Variants in ZDHHC8 observed in about 807,000 individuals in gnomAD.
ZDHHC8 encodes zDHHC palmitoyltransferase 8.
ZDHHC8 carries 24 observed loss-of-function variants against 61.2 expected under a neutral mutation model. That is an observed-to-expected ratio of 0.39 (90% CI 0.28 to 0.55). The LOEUF is 0.55. Ranked by LOEUF, ZDHHC8 falls within the 20% of genes least tolerant of loss-of-function variation. The pLI is 0.60. For missense variants in ZDHHC8, 935 were observed against 1,102.1 expected (o/e 0.85, Z 2.15); for synonymous variants, 523 against 492.5 (o/e 1.06, Z -0.82).
chr22:20,132,327 G>T (rs998027415), intron 1 of ZDHHC8, among the ~76,000 whole-genome samples: 1 of 152,224 alleles, frequency 6.6e-6, no homozygotes, highest in Admixed American at 6.5e-5. Context: ...GGCGGGGAGC[G>T]CTGGGCCCTG....
chr22:20,144,437 G>T (rs575854603), intron 10 of ZDHHC8, among the ~76,000 whole-genome samples: 2 of 152,328 alleles, frequency 1.3e-5, no homozygotes, highest in African/African-American at 4.8e-5. Context: ...CGCCACAGAC[G>T]CATGGTGTCC....
At chr22:20,145,139 G>A (rs1486457153) in intron 10 of ZDHHC8, 90 bp from the exon 11 acceptor site, 8 of 1,220,694 alleles carry the variant, frequency 6.6e-6, no homozygotes, top group Admixed American at 5.9e-5. Context: ...CCACGTCCGC[G>A]TCGTCTCTGT....
chr22:20,140,270 T>A, intron 5 of ZDHHC8, 53 bp downstream of exon 5: 1 of 1,539,616 alleles, frequency 6.5e-7, no homozygotes, highest in South Asian at 1.2e-5. Flanking sequence ...GAGTTGGGGC[T>A]GCATGGGGAC....
rs149915669 is a variant in ZDHHC8, at chr22:20,145,711, G to A, written c.*311G>A. 1,758 of 1,033,932 alleles carry A rather than the reference G, an allele frequency of 1.7e-3. 7 individuals carry two copies. Among genetic ancestry groups the A allele is most frequent in the Non-Finnish European group, 1.7e-3 (1,474 of 861,494 alleles). 64.0% of individuals were successfully genotyped at this position (1,033,932 alleles called of 1,614,324 possible). ...TCTTTGGGGCACCCTCTCTCAGCCA[G>A]GCTTGGCCCACTGCCATCACCCAGC... On this transcript the variant is annotated 3_prime_UTR_variant, in exon 11 of 11. Transcript: ENST00000334554.
At chr22:20,144,088 G>T (rs950605129) in intron 10 of ZDHHC8, among the ~76,000 whole-genome samples, 1 of 152,174 alleles carries the variant, frequency 6.6e-6, no homozygotes, top group African/African-American at 2.4e-5. Flanking sequence ...GGCAGCCTGG[G>T]CCTCCTTTAG....
Position 20,141,325 on chromosome 22 carries a change from C to A in ZDHHC8, c.1003C>A (p.Pro335Thr). Residue 335 changes from proline to threonine, a missense_variant, in exon 8 of 11, where the codon CCA (proline) becomes ACA (threonine). By Grantham distance (38) the Pro-to-Thr change is conservative. This residue lies in a region of ZDHHC8 where 692 missense variants were observed against 731.4 expected (regional missense o/e 0.95). Coordinates refer to ENST00000334554, the MANE Select transcript of ZDHHC8 (RefSeq NM_013373.4). ...TFSSDLQTPR[P>T]GSAESALSVQ... is the part of the protein sequence containing the mutation. Reference sequence around the variant, plus strand: ...CAGCAGTGACCTGCAGACCCCGCGCCCAGGCAGTGCTGGTGAGGTTGGGGC... The same window carrying A: ...CAGCAGTGACCTGCAGACCCCGCGCACAGGCAGTGCTGGTGAGGTTGGGGC... 1 of 1,612,510 alleles carries A rather than the reference C, an allele frequency of 6.2e-7. No individual in the cohort carries two copies. The highest frequency in any genetic ancestry group is 8.5e-7 in the Non-Finnish European group (1 of 1,179,702).
intron 5 of ZDHHC8, 54 bp from the exon 6 acceptor site, chr22:20,140,563 C>T: frequency 6.7e-7 from 1 of 1,499,644 alleles, no homozygotes. Flanking sequence ...GCCCCCTGCC[C>T]ACCCTGGCCT....
Position 20,140,361 on chromosome 22 carries a change from G to A in ZDHHC8, c.660+144G>A, listed in dbSNP as rs79589278. On this transcript the variant is annotated intron_variant, in intron 5 of 10. Coordinates refer to ENST00000334554, the MANE Select transcript of ZDHHC8 (RefSeq NM_013373.4). Reference sequence around the variant, plus strand: ...GAGGCTCCAACTCTGAGACCCCCACGTGGGGCTACGCCTGCCCCGTCCCCT... The same window carrying A: ...GAGGCTCCAACTCTGAGACCCCCACATGGGGCTACGCCTGCCCCGTCCCCT... The A allele has an allele frequency of 6.7e-4, 603 of 895,478 alleles. 3 individuals carry two copies. In the African/African-American group the frequency reaches 9.2e-3, roughly 14 times the overall value. 55.5% of individuals were successfully genotyped at this position (895,478 alleles called of 1,614,324 possible).
At position 20,143,150 on chromosome 22, in the gene ZDHHC8, C is replaced by G. The variant is rs1317899880; in HGVS notation, c.1520C>G (p.Pro507Arg). The G allele has an allele frequency of 2.5e-6, 4 of 1,611,722 alleles. No individual in the cohort carries two copies. In the Admixed American group the frequency reaches 6.7e-5, roughly 27 times the overall value. The change falls in exon 10 of 11, where the codon CCC (proline) becomes CGC (arginine). Residue 507 changes from proline (P) to arginine (R), a missense_variant. Pro to Arg is a moderately radical substitution (Grantham distance 103, BLOSUM62 -2). Coordinates refer to ENST00000334554, the MANE Select transcript of ZDHHC8 (RefSeq NM_013373.4). Reference protein sequence around the residue: ...PAVGVAGYHSPYLHPGATGDP... With the variant: ...PAVGVAGYHSRYLHPGATGDP... The stretch of plus-strand genomic sequence containing the variant: ...GTTGGCGTGGCCGGATACCACTCAC[C>G]CTACCTGCATCCTGGGGCAACGGGC...
At position 20,143,757 on chromosome 22, in the gene ZDHHC8, G is replaced by A; in HGVS notation, c.2126+1G>A. ...CACCGCCCTCGCTGACCGTGCAGAG[G>A]TGGGTGCCGGGAGGTGCGGGTGGGC... On this transcript the variant is annotated splice_donor_variant, in intron 10 of 10. Coordinates refer to ENST00000334554, the MANE Select transcript of ZDHHC8 (RefSeq NM_013373.4). LOFTEE classifies it high-confidence loss of function. 1 of 1,604,750 alleles carries A rather than the reference G, an allele frequency of 6.2e-7. No individual in the cohort carries two copies. Among genetic ancestry groups the A allele is most frequent in the East Asian group, 2.2e-5 (1 of 44,794 alleles).
chr22:20,134,305 C>T (rs1029514741), intron 1 of ZDHHC8, among the ~76,000 whole-genome samples: 10 of 152,256 alleles, frequency 6.6e-5, no homozygotes, highest in Non-Finnish European at 1.2e-4. Context: ...GTGATCCTGG[C>T]CTCTTCCCCG....
At chr22:20,144,006 G>A (rs754527241) in intron 10 of ZDHHC8, among the ~76,000 whole-genome samples, 17 of 152,176 alleles carry the variant, frequency 1.1e-4, no homozygotes, top group Non-Finnish European at 2.1e-4. Flanking sequence ...CCGACGACTC[G>A]TTCTTCTAGA....
intron 1 of ZDHHC8, among the ~76,000 whole-genome samples, chr22:20,137,139 G>A (rs1568991707): frequency 6.6e-6 from 1 of 152,238 alleles, no homozygotes; most frequent in Non-Finnish European, 1.5e-5. Context: ...GCCCTCACAG[G>A]CATGTGGCAG....
In ZDHHC8 at chr22:20,145,364, C is replaced by T. The variant is rs756233495; in HGVS notation, c.2262C>T (p.Ser754=). The T allele has an allele frequency of 2.1e-5, 33 of 1,573,860 alleles. No individual in the cohort carries two copies. Among genetic ancestry groups the T allele is most frequent in the African/African-American group, 4.1e-5 (3 of 72,584 alleles). Residue 754 remains serine, a synonymous_variant, in exon 11 of 11, where the codon TCC becomes TCT. Coordinates refer to ENST00000334554, the MANE Select transcript of ZDHHC8 (RefSeq NM_013373.4). ...PTRHTLVKKV[S]GVGGTTYEIS... ...GGCACACGCTGGTTAAGAAGGTGTC[C>T]GGCGTGGGTGGGACCACCTACGAGA...
In ZDHHC8 at chr22:20,143,192, T is replaced by C. The variant is rs778712639; in HGVS notation, c.1562T>C (p.Leu521Pro). ...GCAACGGGCGACCCGCCACGGCCCC[T>C]ACCCCGCAGCTTCAGCCCCGTGCTG... is the stretch of plus-strand genomic sequence containing the variant. ...PGATGDPPRP[L>P]PRSFSPVLGP... The change falls in exon 10 of 11, where the codon CTA becomes CCA. Residue 521 changes from leucine (L) to proline (P), a missense_variant. Transcript: ENST00000334554. The C allele has an allele frequency of 3.1e-6, 5 of 1,609,610 alleles. No homozygotes were observed. The South Asian group carries it at 5.5e-5, about 18-fold the overall frequency.
At chr22:20,144,451 C>T (rs1205234337) in intron 10 of ZDHHC8, among the ~76,000 whole-genome samples, 6 of 152,220 alleles carry the variant, frequency 3.9e-5, no homozygotes, top group East Asian at 3.9e-4. Flanking sequence ...GGTGTCCTCA[C>T]GGCATCTGTC....
rs1389368428 is a variant in ZDHHC8, at chr22:20,140,955, A to G, written c.837A>G (p.Ala279=). 4 of 1,610,512 alleles carry G rather than the reference A, an allele frequency of 2.5e-6. No individual in the cohort carries two copies. The African/African-American group carries it at 4.0e-5, about 16-fold the overall frequency. The part of the protein sequence containing the change: ...FLRPELLDRA[A]PLKVKLSDNG... ...GGCCTGAACTCCTGGACCGAGCTGC[A>G]CCGCTCAAGGTCAAGCTTAGTGACA... The change falls in exon 7 of 11, where the codon GCA becomes GCG. Residue 279 remains alanine (A), a synonymous_variant. Coordinates refer to ENST00000334554, the MANE Select transcript of ZDHHC8 (RefSeq NM_013373.4).
chr22:20,139,089 T>C, intron 1 of ZDHHC8, 105 bp from the exon 2 acceptor site: 1 of 1,495,738 alleles, frequency 6.7e-7, no homozygotes, highest in Non-Finnish European at 8.9e-7. Context: ...GCCTCTGAGC[T>C]CTGAGGGTGA....
chr22:20,142,335 G>A (rs140698197), intron 9 of ZDHHC8, among the ~76,000 whole-genome samples: 2 of 152,198 alleles, frequency 1.3e-5, no homozygotes, highest in Non-Finnish European at 2.9e-5. Flanking sequence ...GGGGGATTGG[G>A]TCTGGTTGGC....
Sources: allele counts gnomAD v4.1 joint callset (sites outside exome capture counted in the v4.1 genomes callset), GRCh38; gene constraint gnomAD v4.1.1; regional missense constraint gnomAD v4.1.1; transcripts MANE v1.5; gene names NCBI Gene and HGNC (gene_info 2026-07-23, HGNC 2026-07-21).